TGM5: variants seen among roughly 807,000 people sequenced by gnomAD.
TGM5 encodes the protein protein-glutamine gamma-glutamyltransferase 5.
TGM5 carries 69 observed loss-of-function variants against 77.2 expected under a neutral mutation model. That is an observed-to-expected ratio of 0.89 (90% confidence interval 0.74 to 1.09). The LOEUF is 1.09. Among genes scored for constraint, TGM5 ranks in the 50% least tolerant of loss-of-function variants. The pLI is 0.00. For missense variants in TGM5, 842 were observed against 896.5 expected, an observed-to-expected ratio of 0.94 and a Z score of 0.78; for synonymous variants, 346 against 351.8, an observed-to-expected ratio of 0.98 and a Z score of 0.18.
chr15:43,256,649 C>G lies in TGM5; in HGVS notation c.474G>C (p.Gln158His). Reference protein sequence around the residue: ...AVYLDSEPQRQEYVMNDYGFI... With the variant: ...AVYLDSEPQRHEYVMNDYGFI... ...AGCCATAATCATTCATGACATACTC[C>G]TGCCTCTGGGGTTCACTGTCCAAGT... The change falls in exon 4 of 13, where the codon CAG (glutamine) becomes CAC (histidine). Residue 158 changes from glutamine (Q) to histidine (H), a missense_variant. Gln to His is a conservative substitution (Grantham distance 24, BLOSUM62 0). Around this residue, in one of 2 missense-constraint regions of TGM5, gnomAD observed 815 missense variants for 844.6 expected, o/e 0.96. Transcript: ENST00000220420. 2 of 1,614,144 alleles carry G rather than the reference C, an allele frequency of 1.2e-6. No individual in the cohort carries two copies. The highest frequency in any genetic ancestry group is 1.7e-6 in the Non-Finnish European group (2 of 1,180,012).
chr15:43,257,112 T>C (rs184768218), intron 3 of TGM5, among the ~76,000 whole-genome samples: 28 of 152,360 alleles, frequency 1.8e-4, no homozygotes, highest in Admixed American at 1.5e-3. Flanking sequence ...AGGGTTGGCA[T>C]TGACCTCATT....
chr15:43,266,555 A>C (rs764660816), intron 1 of TGM5, among the ~76,000 whole-genome samples: 2 of 152,180 alleles, frequency 1.3e-5, no homozygotes, highest in Non-Finnish European at 2.9e-5. Flanking sequence ...AGAAGGACAG[A>C]AACCCTGACC....
chr15:43,264,774 T>C (rs2042813694), intron 1 of TGM5, among the ~76,000 whole-genome samples: 1 of 152,354 alleles, frequency 6.6e-6, no homozygotes, highest in South Asian at 2.1e-4. Context: ...GTATATGAAT[T>C]ATATCTCAAT....
Position 43,260,155 on chromosome 15 carries a change from G to T in TGM5, c.333C>A (p.Ala111=). The part of the protein sequence containing the change: ...EVSLCAPPTA[A]VGRYLLKIHI... ...GGATTTTCAAGAGGTACCGACCCAC[G>T]GCCGCCGTGGGAGGAGCGCACAAGC... Residue 111 remains alanine (A), a synonymous_variant, in exon 3 of 13, where the codon GCC becomes GCA. Coordinates refer to ENST00000220420, the MANE Select transcript of TGM5 (RefSeq NM_201631.4). 1 of 1,614,118 alleles carries T rather than the reference G, an allele frequency of 6.2e-7. No individual in the cohort carries two copies. The highest frequency in any genetic ancestry group is 8.5e-7 in the Non-Finnish European group (1 of 1,180,034).
At chr15:43,238,308 T>C (rs560404503) in intron 9 of TGM5, among the ~76,000 whole-genome samples, 2 of 152,240 alleles carry the variant, frequency 1.3e-5, no homozygotes, top group East Asian at 3.9e-4. Flanking sequence ...CATTCATCTA[T>C]AGCTGACTAA....
At chr15:43,237,271 G>C (rs1226182329) in intron 9 of TGM5, among the ~76,000 whole-genome samples, 2 of 152,172 alleles carry the variant, frequency 1.3e-5, no homozygotes, top group Non-Finnish European at 2.9e-5. Context: ...CTGCAACTCT[G>C]TCTGAGGTTT....
rs764358619 is a variant in TGM5, at chr15:43,239,205, C to T, written c.1063G>A (p.Gly355Ser). The T allele has an allele frequency of 2.5e-6, 4 of 1,614,178 alleles. No individual in the cohort carries two copies. Among genetic ancestry groups the T allele is most frequent in the African/African-American group, 1.3e-5 (1 of 75,042 alleles). The change falls in exon 8 of 13, where the codon GGC (glycine) becomes AGC (serine). Residue 355 changes from glycine (G) to serine (S), a missense_variant. Gly to Ser is a moderately conservative substitution (Grantham distance 56). Coordinates refer to ENST00000220420, the MANE Select transcript of TGM5 (RefSeq NM_201631.4). ...ARKDLPPAYG[G>S]WQVLDATPQE... is the part of the protein sequence containing the mutation. Reference sequence around the variant, plus strand: ...GGTGTGGCGTCCAGCACCTGCCAGCCTCCATATGCAGGGGGCAGATCCTTC... The same window carrying T: ...GGTGTGGCGTCCAGCACCTGCCAGCTTCCATATGCAGGGGGCAGATCCTTC...
At chr15:43,260,775 C>A in intron 1 of TGM5, 196 bp from the exon 2 acceptor site, 1 of 692,678 alleles carries the variant, frequency 1.4e-6, no homozygotes, top group African/African-American at 1.8e-5. Context: ...CATGCATGCG[C>A]TTTCCTCTTT....
chr15:43,238,418 G>A (rs2042606453), intron 9 of TGM5, among the ~76,000 whole-genome samples: 1 of 152,178 alleles, frequency 6.6e-6, no homozygotes, highest in South Asian at 2.1e-4. Context: ...TGAACATCTG[G>A]GCTCACTTCA....
At chr15:43,247,534 C>T (rs2042677182) in intron 6 of TGM5, 3 of 150,238 alleles carry the variant, frequency 2.0e-5, no homozygotes, top group African/African-American at 7.4e-5. Flanking sequence ...AAAAAGGAGA[C>T]AAGGACCTCA....
intron 6 of TGM5, among the ~76,000 whole-genome samples, chr15:43,248,223 G>A (rs1219819624): frequency 3.9e-5 from 6 of 152,106 alleles, no homozygotes; most frequent in Non-Finnish European, 8.8e-5. Context: ...TGTCACCCAG[G>A]CTGGAGTGGC....
chr15:43,252,649 A>C (rs2042712451), intron 6 of TGM5, 110 bp downstream of exon 6: 1 of 1,394,802 alleles, frequency 7.2e-7, no homozygotes, highest in Non-Finnish European at 1.0e-6. Flanking sequence ...GCTTCCTTCC[A>C]AATGTCCCTT....
At position 43,252,861 on chromosome 15, in the gene TGM5, C is replaced by T. The variant is rs764681522; in HGVS notation, c.760G>A (p.Glu254Lys). The change falls in exon 6 of 13, where the codon GAG (glutamate) becomes AAG (lysine). Residue 254 changes from glutamate to lysine, a missense_variant. This residue lies in a region of TGM5 where 815 missense variants were observed against 844.6 expected (regional missense o/e 0.96). Coordinates refer to ENST00000220420, the MANE Select transcript of TGM5 (RefSeq NM_201631.4). The part of the protein sequence containing the change: ...ENYTDGANPA[E>K]WTGSVAILKQ... The stretch of plus-strand genomic sequence containing the variant: ...AGGATGGCCACGCTGCCCGTCCACT[C>T]CGCAGGGTTGGCGCCGTCTGTGTAA... The T allele has an allele frequency of 1.4e-5, 23 of 1,613,888 alleles. No individual in the cohort carries two copies. In the Admixed American group the frequency reaches 1.7e-4, roughly 12 times the overall value.
chr15:43,254,185 G>T (rs996301305), intron 4 of TGM5, among the ~76,000 whole-genome samples: 7 of 152,194 alleles, frequency 4.6e-5, no homozygotes, highest in African/African-American at 1.7e-4. Flanking sequence ...TGGTGTGAAT[G>T]CCACTCCCTC....
At position 43,239,017 on chromosome 15, in the gene TGM5, T is replaced by C. The variant is rs773467707; in HGVS notation, c.1145A>G (p.Lys382Arg). 12 of 1,613,988 alleles carry C rather than the reference T, an allele frequency of 7.4e-6. No individual in the cohort carries two copies. The highest frequency in any genetic ancestry group is 4.0e-5 in the African/African-American group (3 of 74,890). ...ATAGTTCAGGTCCACTTCTCCTTCT[T>C]TGATGGCTCTGACAGAGGCAGGGCC... The part of the protein sequence containing the change: ...CCGPASVRAI[K>R]EGEVDLNYDT... Residue 382 changes from lysine to arginine, a missense_variant, in exon 9 of 13, where the codon AAA becomes AGA. Physicochemically the swap from Lys to Arg is conservative, Grantham distance 26 (BLOSUM62 2). This residue lies in a region of TGM5 where 815 missense variants were observed against 844.6 expected (regional missense o/e 0.96). Coordinates refer to ENST00000220420, the MANE Select transcript of TGM5 (RefSeq NM_201631.4).
intron 1 of TGM5, among the ~76,000 whole-genome samples, chr15:43,265,922 C>T (rs1453871845): frequency 6.6e-6 from 1 of 152,122 alleles, no homozygotes; most frequent in Non-Finnish European, 1.5e-5. Flanking sequence ...TGAAAAAAAT[C>T]AAGTTGTAGA....
At chr15:43,266,246 A>G (rs891617950) in intron 1 of TGM5, among the ~76,000 whole-genome samples, 1 of 152,280 alleles carries the variant, frequency 6.6e-6, no homozygotes, top group Non-Finnish European at 1.5e-5. Flanking sequence ...TTACAGTTGT[A>G]GAGGAAGTTG....
chr15:43,236,401 T>C (rs1306473497), intron 9 of TGM5, among the ~76,000 whole-genome samples: 2 of 151,914 alleles, frequency 1.3e-5, no homozygotes, highest in Non-Finnish European at 2.9e-5. Flanking sequence ...TGAGAGGAGG[T>C]CTAGGCGTGC....
rs766241603 is a variant in TGM5, at chr15:43,238,843, A to T, written c.1319T>A (p.Ile440Asn). 1.2e-6 allele frequency: 2 copies of T among 1,613,794 alleles called. No homozygotes were observed. Among genetic ancestry groups the T allele is most frequent in the African/African-American group, 1.3e-5 (1 of 74,838 alleles). Reference sequence around the variant, plus strand: ...TTCTTCATACTTGTAGTTCTCTGTGATGTCATCCCGCTCGTCACTCTGGAT... The same window carrying T: ...TTCTTCATACTTGTAGTTCTCTGTGTTGTCATCCCGCTCGTCACTCTGGAT... ...KSIQSDERDD[I>N]TENYKYEEGS... Residue 440 changes from isoleucine to asparagine, a missense_variant, in exon 9 of 13, where the codon ATC becomes AAC. Ile to Asn is a moderately radical substitution (Grantham distance 149). Coordinates refer to ENST00000220420, the MANE Select transcript of TGM5 (RefSeq NM_201631.4).
Sources: allele counts gnomAD v4.1 joint callset (sites outside exome capture counted in the v4.1 genomes callset), GRCh38; gene constraint gnomAD v4.1.1; regional missense constraint gnomAD v4.1.1; transcripts MANE v1.5; gene names NCBI Gene and HGNC (gene_info 2026-07-23, HGNC 2026-07-21).